Variants in LRMDA observed in about 807,000 individuals in gnomAD.
LRMDA encodes leucine rich melanocyte differentiation associated.
Under a neutral mutation model 29.8 loss-of-function variants are expected in LRMDA, and 18 were observed. That is an observed-to-expected ratio of 0.60 (90% CI 0.42 to 0.90). The LOEUF (loss-of-function observed/expected upper bound fraction) is 0.90, where lower values mean the gene tolerates loss of function less well. Among genes scored for constraint, LRMDA ranks in the 40% least tolerant of loss-of-function variants. The pLI is 0.00. For synonymous variants in LRMDA, 125 were observed against 109.4 expected, an observed-to-expected ratio of 1.14 and a Z score of -0.89; for missense variants, 273 against 273.9, an observed-to-expected ratio of 1.00 and a Z score of 0.02.
intron 2 of LRMDA, among the ~76,000 whole-genome samples, chr10:75,453,597 G>T (rs911832049): frequency 6.6e-6 from 1 of 152,080 alleles, no homozygotes; most frequent in African/African-American, 2.4e-5. Context: ...TGTGAGTTTT[G>T]AGGTGCTTTG....
At chr10:76,065,418 G>C (rs1409215886) in intron 5 of LRMDA, among the ~76,000 whole-genome samples, 2 of 152,216 alleles carry the variant, frequency 1.3e-5, no homozygotes, top group Non-Finnish European at 2.9e-5. Context: ...GGCCTTGCCA[G>C]GTGCTGAGCA....
At chr10:76,286,704 A>G (rs1840275952) in intron 5 of LRMDA, among the ~76,000 whole-genome samples, 2 of 152,342 alleles carry the variant, frequency 1.3e-5, no homozygotes, top group South Asian at 2.1e-4. Context: ...ATTTCTCCCT[A>G]AAGTTTGTCA....
At chr10:76,536,986 C>T (rs1293329284) in intron 6 of LRMDA, among the ~76,000 whole-genome samples, 2 of 152,130 alleles carry the variant, frequency 1.3e-5, no homozygotes, top group African/African-American at 4.8e-5. Context: ...TAAGAGCTTT[C>T]TTTCTTCCCT....
intron 2 of LRMDA, among the ~76,000 whole-genome samples, chr10:75,927,729 A>G (rs892306461): frequency 2.0e-5 from 3 of 152,264 alleles, no homozygotes; most frequent in African/African-American, 7.2e-5. Context: ...ACACACAGCT[A>G]GTAAACAGTA....
intron 5 of LRMDA, among the ~76,000 whole-genome samples, chr10:76,092,227 T>G (rs1170075637): frequency 6.6e-6 from 1 of 152,222 alleles, no homozygotes; most frequent in Non-Finnish European, 1.5e-5. Context: ...GCTGAGGACT[T>G]TCGCACCCTG....
At chr10:76,319,955 T>G (rs887481649) in intron 5 of LRMDA, among the ~76,000 whole-genome samples, 1 of 152,224 alleles carries the variant, frequency 6.6e-6, no homozygotes, top group Non-Finnish European at 1.5e-5. Flanking sequence ...TTTCGAAGTC[T>G]GCCAAATCTC....
intron 2 of LRMDA, among the ~76,000 whole-genome samples, chr10:75,478,088 C>G (rs1450194363): frequency 1.3e-5 from 2 of 152,208 alleles, no homozygotes; most frequent in Non-Finnish European, 2.9e-5. Context: ...GACCATTGCT[C>G]TGAAGGACCA....
chr10:76,461,628 G>C (rs1031834728), intron 6 of LRMDA, among the ~76,000 whole-genome samples: 2 of 152,186 alleles, frequency 1.3e-5, no homozygotes, highest in Non-Finnish European at 2.9e-5. Flanking sequence ...GAGTGTTAAA[G>C]ATAGGAGGGG....
At chr10:76,522,170 T>C (rs1407360699) in intron 6 of LRMDA, among the ~76,000 whole-genome samples, 2 of 152,172 alleles carry the variant, frequency 1.3e-5, no homozygotes, top group African/African-American at 4.8e-5. Context: ...TTCTTGAATT[T>C]CAGACTCATT....
At chr10:76,018,391 G>A (rs1013157533) in intron 2 of LRMDA, among the ~76,000 whole-genome samples, 1 of 152,136 alleles carries the variant, frequency 6.6e-6, no homozygotes, top group African/African-American at 2.4e-5. Context: ...GCCCCCACTT[G>A]AGAACCACTG....
At chr10:76,502,188 C>A (rs1316904623) in intron 6 of LRMDA, among the ~76,000 whole-genome samples, 1 of 151,956 alleles carries the variant, frequency 6.6e-6, no homozygotes, top group South Asian at 2.1e-4. Context: ...CACTTTATTT[C>A]TGTGTTTTCT....
intron 2 of LRMDA, among the ~76,000 whole-genome samples, chr10:75,562,999 T>C (rs1383371636): frequency 6.6e-6 from 1 of 152,136 alleles, no homozygotes; most frequent in African/African-American, 2.4e-5. Context: ...AATCTGACAA[T>C]TATGTGTCTT....
At chr10:75,579,177 A>G (rs1000111308) in intron 2 of LRMDA, among the ~76,000 whole-genome samples, 1 of 152,248 alleles carries the variant, frequency 6.6e-6, no homozygotes, top group Non-Finnish European at 1.5e-5. Flanking sequence ...ACCACTAGCT[A>G]GACTAATAAA....
chr10:76,339,925 T>C (rs890930379), intron 6 of LRMDA, among the ~76,000 whole-genome samples: 1 of 149,342 alleles, frequency 6.7e-6, no homozygotes, highest in African/African-American at 2.5e-5. Flanking sequence ...ATAAAAAATA[T>C]GGAAAATTAC....
chr10:75,821,368 A>G (rs1029661767), intron 2 of LRMDA, among the ~76,000 whole-genome samples: 3 of 152,330 alleles, frequency 2.0e-5, no homozygotes, highest in Middle Eastern at 3.4e-3. Flanking sequence ...ACACACACAA[A>G]TCAATCATTG....
intron 6 of LRMDA, among the ~76,000 whole-genome samples, chr10:76,353,330 T>TTATG (rs1554815245): frequency 1.4e-5 from 2 of 146,192 alleles, no homozygotes; most frequent in African/African-American, 2.5e-5. Flanking sequence ...AGCTGTGGAG[T>TTATG]TGTGTGTGTG....
At chr10:75,466,811 C>T (rs1844656384) in intron 2 of LRMDA, among the ~76,000 whole-genome samples, 1 of 152,126 alleles carries the variant, frequency 6.6e-6, no homozygotes, top group African/African-American at 2.4e-5. Flanking sequence ...TGGATCTCTC[C>T]CACCTCTAAA....
At chr10:76,198,652 T>C (rs146668640) in intron 5 of LRMDA, among the ~76,000 whole-genome samples, 4 of 152,288 alleles carry the variant, frequency 2.6e-5, no homozygotes, top group Admixed American at 1.3e-4. Context: ...TAATTGAAAG[T>C]TGGAGGGTGG....
chr10:75,651,340 G>A (rs1311058804), intron 2 of LRMDA, among the ~76,000 whole-genome samples: 2 of 152,154 alleles, frequency 1.3e-5, no homozygotes, highest in African/African-American at 4.8e-5. Context: ...TGATTCTAAA[G>A]GGTTATGTTT....
Sources: allele counts gnomAD v4.1 joint callset (sites outside exome capture counted in the v4.1 genomes callset), GRCh38; gene constraint gnomAD v4.1.1; transcripts MANE v1.5; gene names NCBI Gene and HGNC (gene_info 2026-07-23, HGNC 2026-07-21).